Variants in MFSD2A observed in about 807,000 individuals in gnomAD.
The protein encoded by MFSD2A is MFSD2 lysolipid transporter A, lysophospholipid.
MFSD2A carries 27 observed loss-of-function variants against 64.7 expected under a neutral mutation model. The ratio of observed to expected loss-of-function variants is 0.42; its 90% CI spans 0.31 to 0.58. The LOEUF is 0.58. MFSD2A is among the 20% of genes least tolerant of loss of function. MFSD2A has a pLI of 0.18. For synonymous variants in MFSD2A, 258 were observed against 273.4 expected (o/e 0.94, Z 0.55); for missense variants, 474 against 679.5 (o/e 0.70, Z 3.36).
rs564038604 is a variant in MFSD2A, at chr1:39,963,305, C to T, written c.354-1906C>T. On this transcript the variant is annotated intron_variant, in intron 3 of 13. Transcript: ENST00000372811. The surrounding 1 kb of genome is among the most constrained non-coding windows in gnomAD (Gnocchi z 4.2). The stretch of plus-strand genomic sequence containing the variant: ...CTAAGACCTACAGCTACCTGACCCC[C>T]GACCTCTGGAAGGAGACTGTATTCA... 26 of 1,321,300 alleles carry T rather than the reference C, an allele frequency of 2.0e-5. No individual in the cohort carries two copies. The highest frequency in any genetic ancestry group is 1.4e-4 in the East Asian group (6 of 43,638). 81.8% of individuals were successfully genotyped at this position (1,321,300 alleles called of 1,614,324 possible).
At chr1:39,962,726 G>T (rs901145634) in intron 3 of MFSD2A, 6 of 804,430 alleles carry the variant, frequency 7.5e-6, no homozygotes, top group Non-Finnish European at 1.3e-5. Flanking sequence ...ATAAGGAGTG[G>T]ATGCCTGTCA....
At position 39,963,658 on chromosome 1, in the gene MFSD2A, C is replaced by A. The variant is rs928777811; in HGVS notation, c.354-1553C>A. 6.6e-6 allele frequency among the ~76,000 whole-genome samples: 1 copy of A among 152,158 alleles called. No homozygotes were observed. The stretch of plus-strand genomic sequence containing the variant: ...TTTTGTTTTTGGTACAGTAGGGATA[C>A]AAACCTGTCGGTTCTCTAATATTTC... On this transcript the variant is annotated intron_variant, in intron 3 of 13. Coordinates refer to ENST00000372811, the MANE Select transcript of MFSD2A (RefSeq NM_032793.5). This position sits in a 1 kb window ranked among gnomAD's most constrained non-coding sequence, Gnocchi z 4.2.
In MFSD2A at chr1:39,955,680, G is replaced by T. The variant is rs1474595939; in HGVS notation, c.93+295G>T. ...CGGTTTCCATTCTTCCGTGTTGAGCGGCTGGGGCTTGCCGCCCCAAACCCC... is the reference window on the plus strand; with the variant it reads ...CGGTTTCCATTCTTCCGTGTTGAGCTGCTGGGGCTTGCCGCCCCAAACCCC... On this transcript the variant is annotated intron_variant, in intron 1 of 13. Coordinates refer to ENST00000372811, the MANE Select transcript of MFSD2A (RefSeq NM_032793.5). The surrounding 1 kb of genome is among the most constrained non-coding windows in gnomAD (Gnocchi z 5.9). 1.6e-6 allele frequency: 1 copy of T among 627,498 alleles called. No individual in the cohort carries two copies. The highest frequency in any genetic ancestry group is 2.1e-5 in the Admixed American group (1 of 47,440). 38.9% of individuals were successfully genotyped at this position (627,498 alleles called of 1,614,324 possible).
At chr1:39,956,658 T>C (rs958953325) in intron 1 of MFSD2A, among the ~76,000 whole-genome samples, 75 of 152,246 alleles carry the variant, frequency 4.9e-4, no homozygotes, top group Non-Finnish European at 3.4e-4. Flanking sequence ...CCCTTTTCCA[T>C]GTTCCTAAGA....
chr1:39,958,874 AT>A lies in MFSD2A; in HGVS notation c.353+50del, dbSNP rs1408804594. The stretch of plus-strand genomic sequence containing the variant: ...GGTGGCACAAGGCAGGACTTCCAGC[AT>A]ATCTGCTCCTTGGTCCTTCTCTCTG... On this transcript the variant is annotated intron_variant, in intron 3 of 13. Transcript: ENST00000372811. This position sits in a 1 kb window ranked among gnomAD's most constrained non-coding sequence, Gnocchi z 4.7. The A allele has an allele frequency of 2.6e-6, 4 of 1,529,648 alleles. No homozygotes were observed. The South Asian group carries it at 5.1e-5, about 19-fold the overall frequency. The allele number at this position is 1,529,648 out of a possible 1,614,324, so 94.8% of individuals were successfully genotyped here.
chr1:39,958,255 C>T lies in MFSD2A; in HGVS notation c.229-446C>T, dbSNP rs1644968902. Among the ~76,000 whole-genome samples the T allele has an allele frequency of 6.6e-6, 1 of 151,996 alleles. No homozygotes were observed. The highest frequency in any genetic ancestry group is 6.6e-5 in the Admixed American group (1 of 15,254). On this transcript the variant is annotated intron_variant, in intron 2 of 13. Coordinates refer to ENST00000372811, the MANE Select transcript of MFSD2A (RefSeq NM_032793.5). The surrounding 1 kb of genome is among the most constrained non-coding windows in gnomAD (Gnocchi z 4.7). ...AAAAAGCATCTATAGGCTCCTTTTTCCACATCCAAGATAGAGCTTGAACCT... is the reference window on the plus strand; with the variant it reads ...AAAAAGCATCTATAGGCTCCTTTTTTCACATCCAAGATAGAGCTTGAACCT...
chr1:39,957,308 C>A, intron 2 of MFSD2A, 87 bp downstream of exon 2: 1 of 1,380,150 alleles, frequency 7.2e-7, no homozygotes. Context: ...TCAGTTTTCC[C>A]CATCTGTGAA....
In MFSD2A at chr1:39,968,176, C is replaced by G. The variant is rs1645204502; in HGVS notation, c.1209-158C>G. The G allele has an allele frequency of 2.3e-6, 2 of 884,956 alleles. No individual in the cohort carries two copies. The highest frequency in any genetic ancestry group is 1.7e-6 in the Non-Finnish European group (1 of 588,198). The allele number at this position is 884,956 out of a possible 1,614,324, so 54.8% of individuals were successfully genotyped here. ...GCACCTCCAGGCAGGGTTACTTCCTCTTAGAGCAAGAGGCCTTTTCTTATT... is the reference window on the plus strand; with the variant it reads ...GCACCTCCAGGCAGGGTTACTTCCTGTTAGAGCAAGAGGCCTTTTCTTATT... On this transcript the variant is annotated intron_variant, in intron 11 of 13. Coordinates refer to ENST00000372811, the MANE Select transcript of MFSD2A (RefSeq NM_032793.5). This position sits in a 1 kb window ranked among gnomAD's most constrained non-coding sequence, Gnocchi z 4.4.
At chr1:39,956,915 CAAAAAAAAAAAAAAA>C (rs34385828) in intron 1 of MFSD2A, among the ~76,000 whole-genome samples, 157 bp from the exon 2 acceptor site, 2 of 35,348 alleles carry the variant, frequency 5.7e-5, no homozygotes, top group South Asian at 1.8e-3. Flanking sequence ...GACTCTGTCT[CAAAAAAAAAAAAAAA>C]AAAAAAAAAA....
chr1:39,960,242 T>C lies in MFSD2A; in HGVS notation c.353+1417T>C, dbSNP rs1215319249. Among the ~76,000 whole-genome samples, 1 of 152,174 alleles carries C rather than the reference T, an allele frequency of 6.6e-6. No homozygotes were observed. Among genetic ancestry groups the C allele is most frequent in the African/African-American group, 2.4e-5 (1 of 41,448 alleles). On this transcript the variant is annotated intron_variant, in intron 3 of 13. Coordinates refer to ENST00000372811, the MANE Select transcript of MFSD2A (RefSeq NM_032793.5). This position sits in a 1 kb window ranked among gnomAD's most constrained non-coding sequence, Gnocchi z 4.8. ...TCCTGCTTCAGGGTGTGGGGGGGCA[T>C]ACCCCTTTCATCTCCAGCCCATCCA...
Position 39,965,683 on chromosome 1 carries a change from A to T in MFSD2A, c.556+134A>T. The T allele has an allele frequency of 8.2e-7, 1 of 1,222,502 alleles. No individual in the cohort carries two copies. Among genetic ancestry groups the T allele is most frequent in the East Asian group, 2.4e-5 (1 of 42,464 alleles). 75.7% of individuals were successfully genotyped at this position (1,222,502 alleles called of 1,614,324 possible). On this transcript the variant is annotated intron_variant, in intron 5 of 13. Coordinates refer to ENST00000372811, the MANE Select transcript of MFSD2A (RefSeq NM_032793.5). The surrounding 1 kb of genome is among the most constrained non-coding windows in gnomAD (Gnocchi z 5.5). ...ATCTTAAAAATAACTCAATCCCCTTATTGCTCAGATGAGACCTGGAGAGGT... is the reference window on the plus strand; with the variant it reads ...ATCTTAAAAATAACTCAATCCCCTTTTTGCTCAGATGAGACCTGGAGAGGT...
rs556459971 is a variant in MFSD2A, at chr1:39,963,039, G to A, written c.354-2172G>A. 8.5e-5 allele frequency: 123 copies of A among 1,447,830 alleles called. No homozygotes were observed. Among genetic ancestry groups the A allele is most frequent in the Admixed American group, 1.1e-4 (6 of 55,074 alleles). The allele number at this position is 1,447,830 out of a possible 1,614,324, so 89.7% of individuals were successfully genotyped here. On this transcript the variant is annotated intron_variant, in intron 3 of 13. Coordinates refer to ENST00000372811, the MANE Select transcript of MFSD2A (RefSeq NM_032793.5). This position sits in a 1 kb window ranked among gnomAD's most constrained non-coding sequence, Gnocchi z 4.2. ...CCTGGCCAAGCTCTCCATTGTCCCC[G>A]TGCGCAGAGGCTACTGGGGGAACAA... is the stretch of plus-strand genomic sequence containing the variant.
At position 39,965,793 on chromosome 1, in the gene MFSD2A, G is replaced by A; in HGVS notation, c.557-64G>A. ...GCTACCGCTGGGCTCCCACCCATTT[G>A]ACCTTCCTCCCTGGGCCCACAATCC... On this transcript the variant is annotated intron_variant, in intron 5 of 13. Transcript: ENST00000372811. This position sits in a 1 kb window ranked among gnomAD's most constrained non-coding sequence, Gnocchi z 5.5. The A allele has an allele frequency of 6.3e-7, 1 of 1,597,104 alleles. No homozygotes were observed. Among genetic ancestry groups the A allele is most frequent in the South Asian group, 1.1e-5 (1 of 89,468 alleles).
Position 39,966,903 on chromosome 1 carries a change from G to C in MFSD2A, c.898G>C (p.Gly300Arg). Residue 300 changes from glycine to arginine, a missense_variant, in exon 8 of 14, where the codon GGC becomes CGC. Coordinates refer to ENST00000372811, the MANE Select transcript of MFSD2A (RefSeq NM_032793.5). ...SHGPYIKLIT[G>R]FLFTSLAFML... ...CGGCCCATACATCAAACTTATTACT[G>C]GCTTCCTCTTCACCTCCTTGGCTTT... 1.9e-6 allele frequency: 3 copies of C among 1,613,558 alleles called. No individual in the cohort carries two copies. Among genetic ancestry groups the C allele is most frequent in the Non-Finnish European group, 2.5e-6 (3 of 1,180,020 alleles).
In MFSD2A at chr1:39,960,605, C is replaced by T. The variant is rs967108502; in HGVS notation, c.353+1780C>T. ...TGAGGCCCAGCCAATGGGAGGCAGC[C>T]GCTCCCAGGGATGGTGGCTGCAGGC... On this transcript the variant is annotated intron_variant, in intron 3 of 13. Coordinates refer to ENST00000372811, the MANE Select transcript of MFSD2A (RefSeq NM_032793.5). The surrounding 1 kb of genome is among the most constrained non-coding windows in gnomAD (Gnocchi z 4.8). Among the ~76,000 whole-genome samples the T allele has an allele frequency of 2.6e-5, 4 of 152,250 alleles. No individual in the cohort carries two copies. Among genetic ancestry groups the T allele is most frequent in the Non-Finnish European group, 5.9e-5 (4 of 68,042 alleles).
Position 39,967,485 on chromosome 1 carries a change from G to A in MFSD2A, c.1012-143G>A, listed in dbSNP as rs943033350. ...GCTCCCCTGGGGAGCCGTCAAAGGTGCCTGTCATCTTCGTTGCTGCCCACA... is the reference window on the plus strand; with the variant it reads ...GCTCCCCTGGGGAGCCGTCAAAGGTACCTGTCATCTTCGTTGCTGCCCACA... On this transcript the variant is annotated intron_variant, in intron 9 of 13. Transcript: ENST00000372811. The A allele has an allele frequency of 6.5e-6, 5 of 770,382 alleles. No individual in the cohort carries two copies. In the East Asian group the frequency reaches 7.5e-5, roughly 12 times the overall value. The allele number at this position is 770,382 out of a possible 1,614,324, so 47.7% of individuals were successfully genotyped here.
intron 3 of MFSD2A, among the ~76,000 whole-genome samples, chr1:39,962,186 G>C (rs975824543): frequency 6.6e-6 from 1 of 151,818 alleles, no homozygotes; most frequent in Non-Finnish European, 1.5e-5. Flanking sequence ...CTCTTTACTC[G>C]AGCCCTCCTG....
At position 39,962,570 on chromosome 1, in the gene MFSD2A, G is replaced by C. The variant is rs775178842; in HGVS notation, c.354-2641G>C. The stretch of plus-strand genomic sequence containing the variant: ...AAATGGCGGATGACACTGGTGCAGC[G>C]GGGGGGCCTGGAGGCCCTGGTGGCC... On this transcript the variant is annotated intron_variant, in intron 3 of 13. Transcript: ENST00000372811. The C allele has an allele frequency of 2.7e-4, 166 of 625,944 alleles. No individual in the cohort carries two copies. In the East Asian group the frequency reaches 4.3e-3, roughly 16 times the overall value. 38.8% of individuals were successfully genotyped at this position (625,944 alleles called of 1,614,324 possible). A position where few individuals can be genotyped will look rare whatever the true frequency, so the allele number is the denominator to read the frequency against.
Position 39,963,879 on chromosome 1 carries a change from T to C in MFSD2A, c.354-1332T>C, listed in dbSNP as rs760928952. ...CCTCCCGAGGAGCTGGGACTACAGG[T>C]GTGCGCCACCATGCCTGGTTAATTT... On this transcript the variant is annotated intron_variant, in intron 3 of 13. Transcript: ENST00000372811. The surrounding 1 kb of genome is among the most constrained non-coding windows in gnomAD (Gnocchi z 4.2). Among the ~76,000 whole-genome samples, 4 of 152,132 alleles carry C rather than the reference T, an allele frequency of 2.6e-5. No homozygotes were observed. The highest frequency in any genetic ancestry group is 5.9e-5 in the Non-Finnish European group (4 of 68,022).
Sources: allele counts gnomAD v4.1 joint callset (sites outside exome capture counted in the v4.1 genomes callset), GRCh38; gene constraint gnomAD v4.1.1; non-coding constraint Gnocchi (gnomAD v3.1); transcripts MANE v1.5; gene names NCBI Gene and HGNC (gene_info 2026-07-23, HGNC 2026-07-21).